Variants in FBN3 observed in about 807,000 individuals in gnomAD.
The protein encoded by FBN3 is fibrillin-3.
In FBN3, 234 loss-of-function variants were observed where a neutral mutation model predicts 330.1. The observed-to-expected ratio is 0.71, with a 90% CI of 0.64 to 0.79. The LOEUF is 0.79. Ranked by LOEUF, FBN3 falls within the 30% of genes least tolerant of loss-of-function variation. The probability of loss-of-function intolerance (pLI) is 0.00; values close to 1 mark genes in which losing one functional copy is unlikely to be tolerated. For missense variants in FBN3, 3,606 were observed against 3,886.9 expected (o/e 0.93, Z 1.92); for synonymous variants, 1,458 against 1,517.3 (o/e 0.96, Z 0.91).
intron 3 of FBN3, 37 bp from the exon 4 acceptor site, chr19:8,146,262 C>T: frequency 6.5e-7 from 1 of 1,539,778 alleles, no homozygotes. Context: ...AAGACCAGGA[C>T]CGAGCCTGGG....
chr19:8,135,137 C>T (rs891751369), intron 13 of FBN3, among the ~76,000 whole-genome samples: 1 of 151,020 alleles, frequency 6.6e-6, no homozygotes, highest in Non-Finnish European at 1.5e-5. Context: ...TGCCACCATG[C>T]CAGGCTAATT....
rs1044590077 is a variant in FBN3 at position 8,115,737 on chromosome 19, CTG to C, written c.3713-99_3713-98del. 14 of 1,417,036 alleles carry C rather than the reference CTG, an allele frequency of 9.9e-6. No homozygotes were observed. In the African/African-American group the frequency reaches 1.8e-4, roughly 18 times the overall value. 87.8% of individuals were successfully genotyped at this position (1,417,036 alleles called of 1,614,324 possible). On this transcript the variant is annotated intron_variant, in intron 29 of 63. Transcript: ENST00000600128. ...GGAGGGAGATCACCAGCATTCCTGA[CTG>C]TCCCGCCGCACAGGTCCTCTCTGCT...
intron 18 of FBN3, 35 bp downstream of exon 18, chr19:8,128,993 T>C (rs751518403): frequency 6.3e-7 from 1 of 1,591,960 alleles, no homozygotes; most frequent in South Asian, 1.1e-5. Context: ...AGCATATGTG[T>C]GTGTGCAAAC....
chr19:8,144,921 C>T lies in FBN3; in HGVS notation c.497G>A (p.Arg166His), dbSNP rs138335657. ...HNGGRCIGPN[R>H]CACVYGFMGP... ...CATGAAGCCATACACACAGGCGCAG[C>T]GGTTGGGCCCAATGCAGCGACCCCC... The change falls in exon 6 of 64, where the codon CGC becomes CAC. Residue 166 changes from arginine (R) to histidine (H), a missense_variant. Arg to His is a conservative substitution (Grantham distance 29). Coordinates refer to ENST00000600128, the MANE Select transcript of FBN3 (RefSeq NM_032447.5). 114 of 1,612,430 alleles carry T rather than the reference C, an allele frequency of 7.1e-5. No individual in the cohort carries two copies. The highest frequency in any genetic ancestry group is 3.3e-4 in the Middle Eastern group (2 of 6,060).
chr19:8,126,252 C>G, intron 21 of FBN3, 45 bp downstream of exon 21: 1 of 1,563,248 alleles, frequency 6.4e-7, no homozygotes, highest in Non-Finnish European at 8.7e-7. Context: ...TGGTTGTGTG[C>G]GGGCTCTGGA....
At chr19:8,144,026 T>C (rs947779801) in intron 6 of FBN3, among the ~76,000 whole-genome samples, 36 of 151,948 alleles carry the variant, frequency 2.4e-4, no homozygotes, top group African/African-American at 8.7e-4. Flanking sequence ...CCCAGGTTGA[T>C]CTCAAACTCC....
At chr19:8,136,570 G>A (rs1487004073) in intron 10 of FBN3, 39 bp from the exon 11 acceptor site, 1 of 1,609,330 alleles carries the variant, frequency 6.2e-7, no homozygotes, top group East Asian at 2.2e-5. Flanking sequence ...AGCAGTGGCT[G>A]GCCCCGCCCC....
chr19:8,112,368 C>T (rs1336721771), intron 30 of FBN3, among the ~76,000 whole-genome samples: 3 of 152,084 alleles, frequency 2.0e-5, no homozygotes, highest in Non-Finnish European at 2.9e-5. Context: ...ACTGTCCAGC[C>T]GGGTGCGGTG....
At position 8,102,892 on chromosome 19, in the gene FBN3, A is replaced by G; in HGVS notation, c.4940-19T>C. 5 of 1,613,440 alleles carry G rather than the reference A, an allele frequency of 3.1e-6. No individual in the cohort carries two copies. The highest frequency in any genetic ancestry group is 4.2e-6 in the Non-Finnish European group (5 of 1,179,422). ...CTCATATCTGTAGTTGGCACAAAGG[A>G]GAAGAATGTGGGTAAGGGTCACCTA... On this transcript the variant is annotated intron_variant, in intron 39 of 63. Transcript: ENST00000600128.
chr19:8,146,229 G>A lies in FBN3; in HGVS notation c.251-4C>T, dbSNP rs1281953167. 1.9e-6 allele frequency: 3 copies of A among 1,585,612 alleles called. No individual in the cohort carries two copies. The highest frequency in any genetic ancestry group is 2.6e-6 in the Non-Finnish European group (3 of 1,167,400). ...CCGCAGGCGCGCCTACAGATGGCTG[G>A]ATGAGTGCAGCGGGTGGCAGTCAAG... On this transcript the variant is annotated splice_polypyrimidine_tract_variant and splice_region_variant and intron_variant, in intron 3 of 63. Transcript: ENST00000600128.
At chr19:8,095,297 C>T in intron 46 of FBN3, 78 bp downstream of exon 46, 1 of 1,445,192 alleles carries the variant, frequency 6.9e-7, no homozygotes, top group Non-Finnish European at 9.4e-7. Context: ...GATCTATGCT[C>T]ACCCAGAAGT....
chr19:8,145,456 G>A (rs1377130174), intron 5 of FBN3, among the ~76,000 whole-genome samples: 3 of 150,858 alleles, frequency 2.0e-5, no homozygotes, highest in Non-Finnish European at 2.9e-5. Flanking sequence ...TGAGGCGGGC[G>A]GATCACGAGG....
At chr19:8,114,811 G>T (rs373171121) in intron 30 of FBN3, among the ~76,000 whole-genome samples, 1 of 151,534 alleles carries the variant, frequency 6.6e-6, no homozygotes, top group East Asian at 1.9e-4. Flanking sequence ...GCTCGACCTC[G>T]GCTCACTGCA....
At chr19:8,101,754 T>G (rs12611329) in intron 40 of FBN3, among the ~76,000 whole-genome samples, 12 of 151,174 alleles carry the variant, frequency 7.9e-5, no homozygotes, top group African/African-American at 2.7e-4. Context: ...CCCCTCCCAC[T>G]TTATCCCAGC....
intron 59 of FBN3, among the ~76,000 whole-genome samples, chr19:8,078,367 CA>C (rs1314909326): frequency 1.3e-5 from 2 of 152,170 alleles, no homozygotes; most frequent in African/African-American, 4.8e-5. Context: ...ATCTCAACTA[CA>C]AAGCTGAAAA....
chr19:8,118,536 A>G (rs1568421435), intron 26 of FBN3, among the ~76,000 whole-genome samples: 1 of 151,848 alleles, frequency 6.6e-6, no homozygotes, highest in Admixed American at 6.6e-5. Context: ...AGCCAAATAC[A>G]CACTCAAACC....
At chr19:8,104,104 G>A (rs2082387094) in intron 38 of FBN3, among the ~76,000 whole-genome samples, 1 of 144,284 alleles carries the variant, frequency 6.9e-6, no homozygotes, top group South Asian at 2.2e-4. Context: ...CAGCCTGGGT[G>A]CAGAATGAGA....
At chr19:8,130,126 G>A (rs1288473973) in intron 16 of FBN3, among the ~76,000 whole-genome samples, 1 of 151,924 alleles carries the variant, frequency 6.6e-6, no homozygotes, top group Non-Finnish European at 1.5e-5. Flanking sequence ...TGGAACTCCT[G>A]ACCTCAAGTG....
rs2082207735 is a variant in FBN3 at position 8,096,338 on chromosome 19, G to A, written c.5539+106C>T. 1 of 1,387,874 alleles carries A rather than the reference G, an allele frequency of 7.2e-7. No homozygotes were observed. Among genetic ancestry groups the A allele is most frequent in the African/African-American group, 1.4e-5 (1 of 69,348 alleles). 86.0% of individuals were successfully genotyped at this position (1,387,874 alleles called of 1,614,324 possible). ...ATCTTAATCTCAGGACCCAAACTTGGATCTCTTTGTGAACTAGGATGGACA... is the reference window on the plus strand; with the variant it reads ...ATCTTAATCTCAGGACCCAAACTTGAATCTCTTTGTGAACTAGGATGGACA... On this transcript the variant is annotated intron_variant, in intron 44 of 63. Transcript: ENST00000600128. The surrounding 1 kb of genome is among the most constrained non-coding windows in gnomAD (Gnocchi z 4.6).
Sources: allele counts gnomAD v4.1 joint callset (sites outside exome capture counted in the v4.1 genomes callset), GRCh38; gene constraint gnomAD v4.1.1; non-coding constraint Gnocchi (gnomAD v3.1); transcripts MANE v1.5; gene names NCBI Gene and HGNC (gene_info 2026-07-23, HGNC 2026-07-21).